FBXL7: variants seen among roughly 807,000 people sequenced by gnomAD.
The protein encoded by FBXL7 is F-box and leucine rich repeat protein 7, also known as F-box/LRR-repeat protein 7.
Under a neutral mutation model 38.3 loss-of-function variants are expected in FBXL7, and 12 were observed. The observed-to-expected ratio is 0.31, with a 90% CI of 0.20 to 0.51. FBXL7 has a LOEUF of 0.51. Among genes scored for constraint, FBXL7 ranks in the 20% least tolerant of loss-of-function variants. FBXL7 has a pLI of 0.98. For missense variants in FBXL7, 567 were observed against 676.4 expected (o/e 0.84, Z 1.79); for synonymous variants, 297 against 300.9 (o/e 0.99, Z 0.13).
chr5:15,746,707 A>G (rs143200304), intron 2 of FBXL7, among the ~76,000 whole-genome samples: 4 of 152,318 alleles, frequency 2.6e-5, no homozygotes, highest in East Asian at 3.9e-4. Context: ...GGCAGTATTT[A>G]AAGTTATGGA....
At chr5:15,592,992 G>A (rs1739526373) in intron 1 of FBXL7, among the ~76,000 whole-genome samples, 1 of 152,164 alleles carries the variant, frequency 6.6e-6, no homozygotes, top group Non-Finnish European at 1.5e-5. Context: ...TTAGGCATTT[G>A]GTTGAATACT....
At chr5:15,566,192 G>C (rs1020338224) in intron 1 of FBXL7, among the ~76,000 whole-genome samples, 20 of 152,094 alleles carry the variant, frequency 1.3e-4, no homozygotes, top group Admixed American at 2.0e-4. Context: ...TTAGGTTTTA[G>C]AGAGAGAAGA....
intron 1 of FBXL7, among the ~76,000 whole-genome samples, chr5:15,538,939 TGGAGGAG>T (rs1737661932): frequency 6.6e-6 from 1 of 152,120 alleles, no homozygotes; most frequent in Non-Finnish European, 1.5e-5. Context: ...ATAATGTAGA[TGGAGGAG>T]AAAATAAAAA....
chr5:15,630,604 C>G, intron 2 of FBXL7, among the ~76,000 whole-genome samples: 1 of 151,922 alleles, frequency 6.6e-6, no homozygotes, highest in East Asian at 1.9e-4. Context: ...CTAGAAACAA[C>G]CTTGGCTTCA....
At chr5:15,677,746 C>T (rs1044303445) in intron 2 of FBXL7, among the ~76,000 whole-genome samples, 7 of 152,136 alleles carry the variant, frequency 4.6e-5, no homozygotes, top group Middle Eastern at 3.4e-3. Flanking sequence ...TCTTAGGCTA[C>T]CGTGTGTATT....
At position 15,817,551 on chromosome 5, in the gene FBXL7, T is replaced by G. The variant is rs950890647; in HGVS notation, c.128-110339T>G. 6.6e-5 allele frequency among the ~76,000 whole-genome samples: 10 copies of G among 152,254 alleles called. No individual in the cohort carries two copies. In the South Asian group the frequency reaches 1.0e-3, roughly 16 times the overall value. ...ATCCAAATCTCATCTTGAATTGTAG[T>G]TCCTATTACCCACCATGTGTCATGG... On this transcript the variant is annotated intron_variant, in intron 2 of 3. Transcript: ENST00000504595.
intron 2 of FBXL7, among the ~76,000 whole-genome samples, chr5:15,697,507 A>C (rs1743378793): frequency 6.6e-6 from 1 of 152,108 alleles, no homozygotes; most frequent in Non-Finnish European, 1.5e-5. Context: ...AAGTGCTATG[A>C]GATTAATATG....
chr5:15,833,202 C>T (rs1375125779), intron 2 of FBXL7, among the ~76,000 whole-genome samples: 1 of 152,138 alleles, frequency 6.6e-6, no homozygotes, highest in Non-Finnish European at 1.5e-5. Context: ...AAATCTACTT[C>T]TTATAGTTCT....
chr5:15,627,910 T>C (rs1386333686), intron 2 of FBXL7, among the ~76,000 whole-genome samples: 2 of 152,186 alleles, frequency 1.3e-5, no homozygotes, highest in African/African-American at 4.8e-5. Flanking sequence ...CCTAGGTTGT[T>C]AGACTAATTA....
intron 2 of FBXL7, among the ~76,000 whole-genome samples, chr5:15,689,684 A>G (rs1743124311): frequency 6.6e-6 from 1 of 152,226 alleles, no homozygotes; most frequent in Non-Finnish European, 1.5e-5. Context: ...TGCTCAATAA[A>G]TTGAACTTGT....
At chr5:15,591,940 G>A (rs977009508) in intron 1 of FBXL7, among the ~76,000 whole-genome samples, 4 of 152,148 alleles carry the variant, frequency 2.6e-5, no homozygotes, top group African/African-American at 9.7e-5. Flanking sequence ...TTGATCTCTT[G>A]ACCTTGTGAT....
At chr5:15,648,870 G>A (rs963152911) in intron 2 of FBXL7, among the ~76,000 whole-genome samples, 2 of 151,802 alleles carry the variant, frequency 1.3e-5, no homozygotes, top group Admixed American at 1.3e-4. Context: ...TGTGCTCTTC[G>A]GTGTCCTAGT....
intron 2 of FBXL7, among the ~76,000 whole-genome samples, chr5:15,769,779 A>C (rs2126709214): frequency 6.6e-6 from 1 of 152,010 alleles, no homozygotes; most frequent in East Asian, 1.9e-4. Flanking sequence ...ATTTGAATGA[A>C]GATTTGTAGA....
intron 2 of FBXL7, among the ~76,000 whole-genome samples, chr5:15,874,430 G>A (rs1740112523): frequency 6.6e-6 from 1 of 152,142 alleles, no homozygotes; most frequent in East Asian, 1.9e-4. Context: ...AGTCAGGCAA[G>A]AGAAAGAAAT....
intron 2 of FBXL7, among the ~76,000 whole-genome samples, chr5:15,874,453 A>G (rs1476885742): frequency 1.3e-5 from 2 of 152,174 alleles, no homozygotes; most frequent in East Asian, 1.9e-4. Context: ...AGCATATTCA[A>G]ATAGGAAGAG....
intron 2 of FBXL7, among the ~76,000 whole-genome samples, chr5:15,901,505 TAATG>T (rs1325426084): frequency 1.3e-5 from 2 of 152,228 alleles, no homozygotes; most frequent in African/African-American, 4.8e-5. Flanking sequence ...TTGCACTAAA[TAATG>T]AATGCTGGGA....
chr5:15,562,464 G>A lies in FBXL7; in HGVS notation c.38-53519G>A, dbSNP rs557016212. ...CAGCAAGTGACCTAAACAAACATTTGTCCAAAGAAAACAGAAAAATGGCCA... is the reference window on the plus strand; with the variant it reads ...CAGCAAGTGACCTAAACAAACATTTATCCAAAGAAAACAGAAAAATGGCCA... On this transcript the variant is annotated intron_variant, in intron 1 of 3. Transcript: ENST00000504595. 5.3e-5 allele frequency among the ~76,000 whole-genome samples: 8 copies of A among 152,194 alleles called. No individual in the cohort carries two copies. The South Asian group carries it at 1.7e-3, about 32-fold the overall frequency.
At chr5:15,706,111 C>G (rs10520821) in intron 2 of FBXL7, among the ~76,000 whole-genome samples, 113,228 of 152,030 alleles carry the variant, frequency 0.74, 42,446 homozygotes, top group East Asian at 0.88. Context: ...TTTTAATCAA[C>G]GGGTATGATA....
chr5:15,852,163 T>C (rs2126795576), intron 2 of FBXL7, among the ~76,000 whole-genome samples: 1 of 152,302 alleles, frequency 6.6e-6, no homozygotes, highest in Non-Finnish European at 1.5e-5. Flanking sequence ...GGAATATCTC[T>C]CTGGTATTGG....
Sources: allele counts gnomAD v4.1 joint callset (sites outside exome capture counted in the v4.1 genomes callset), GRCh38; gene constraint gnomAD v4.1.1; transcripts MANE v1.5; gene names NCBI Gene and HGNC (gene_info 2026-07-23, HGNC 2026-07-21).